Variants in CCDC125 observed in about 807,000 individuals in gnomAD.
CCDC125 encodes the protein coiled-coil domain-containing protein 125.
CCDC125 carries 43 observed loss-of-function variants against 57.4 expected under a neutral mutation model. That is an observed-to-expected ratio of 0.75 (90% CI 0.59 to 0.97). The LOEUF is 0.97. CCDC125 is among the 50% of genes least tolerant of loss of function. The probability of loss-of-function intolerance (pLI) is 0.00; values close to 1 mark genes in which losing one functional copy is unlikely to be tolerated. For synonymous variants in CCDC125, 187 were observed against 195.2 expected (o/e 0.96, Z 0.35); for missense variants, 563 against 595.7 (o/e 0.95, Z 0.57).
chr5:69,322,682 C>G (rs1760214616), intron 1 of CCDC125, among the ~76,000 whole-genome samples: 1 of 151,954 alleles, frequency 6.6e-6, no homozygotes, highest in South Asian at 2.1e-4. Flanking sequence ...CCTGCTTCAG[C>G]CTCCTGAGTA....
At chr5:69,322,649 G>A (rs1039097885) in intron 1 of CCDC125, among the ~76,000 whole-genome samples, 5 of 151,694 alleles carry the variant, frequency 3.3e-5, no homozygotes, top group South Asian at 2.1e-4. Flanking sequence ...AGCAACCTCC[G>A]CCTCCTGGAT....
intron 9 of CCDC125, chr5:69,294,170 TAAGCATA>T (rs1227346672): frequency 4.1e-6 from 4 of 977,784 alleles, no homozygotes; most frequent in African/African-American, 1.8e-5. Flanking sequence ...CTAGTGATTT[TAAGCATA>T]AATGTACATT....
At chr5:69,277,784 TGTA>T (rs990138769), downstream of CCDC125, among the ~76,000 whole-genome samples, 2 of 145,986 alleles carry the variant, frequency 1.4e-5, no homozygotes, top group Non-Finnish European at 3.0e-5. Flanking sequence ...AAAAAAAAAA[TGTA>T]GTAGTGGTGT....
At chr5:69,291,004 A>G (rs1183042316) in intron 10 of CCDC125, among the ~76,000 whole-genome samples, 1 of 152,198 alleles carries the variant, frequency 6.6e-6, no homozygotes, top group East Asian at 1.9e-4. Flanking sequence ...GATGTGTATT[A>G]GTCTTTCTAA....
Position 69,302,754 on chromosome 5 carries a change from T to C in CCDC125, c.700+1093A>G, listed in dbSNP as rs530190398. 2.0e-5 allele frequency among the ~76,000 whole-genome samples: 3 copies of C among 152,100 alleles called. No homozygotes were observed. In the East Asian group the frequency reaches 5.8e-4, roughly 29 times the overall value. On this transcript the variant is annotated intron_variant, in intron 7 of 11. Transcript: ENST00000396496. ...AAAAAAAAGTTAACATTAAATATCT[T>C]ATTATCCTTGCATCAACTTTCATCG...
At chr5:69,315,237 C>G (rs1758821616) in intron 2 of CCDC125, among the ~76,000 whole-genome samples, 1 of 146,760 alleles carries the variant, frequency 6.8e-6, no homozygotes, top group South Asian at 2.2e-4. Flanking sequence ...GCCTGGGAGA[C>G]AGAGCAAGGC....
At chr5:69,307,379 A>T (rs74501876) in intron 5 of CCDC125, among the ~76,000 whole-genome samples, 18,544 of 150,990 alleles carry the variant, frequency 0.12, 1,482 homozygotes, top group African/African-American at 0.22. Flanking sequence ...AAAAAAAAAA[A>T]TTTTTTTTAA....
chr5:69,308,081 T>G (rs917073309), intron 4 of CCDC125, 53 bp from the exon 5 acceptor site: 16 of 1,195,472 alleles, frequency 1.3e-5, no homozygotes, highest in South Asian at 7.3e-5. Flanking sequence ...ATCACTCCTA[T>G]GTACATCATG....
At chr5:69,305,933 C>T (rs1757262068) in intron 6 of CCDC125, among the ~76,000 whole-genome samples, 1 of 152,130 alleles carries the variant, frequency 6.6e-6, no homozygotes, top group African/African-American at 2.4e-5. Context: ...TTGTGTGAGC[C>T]ACCATACCCA....
intron 9 of CCDC125, among the ~76,000 whole-genome samples, chr5:69,294,376 C>T (rs923263766): frequency 2.6e-5 from 4 of 151,210 alleles, no homozygotes; most frequent in East Asian, 1.9e-4. Flanking sequence ...GGTGTAATCT[C>T]GGCTCACTGC....
intron 1 of CCDC125, among the ~76,000 whole-genome samples, chr5:69,326,322 C>G (rs1760730657): frequency 6.6e-6 from 1 of 152,184 alleles, no homozygotes; most frequent in South Asian, 2.1e-4. Context: ...CTAACAGATT[C>G]TGGATCCACT....
downstream of CCDC125, chr5:69,276,436 C>T (rs1752146915): frequency 4.4e-6 from 4 of 904,788 alleles, no homozygotes; most frequent in East Asian, 7.6e-5. Context: ...GGAATGAGGG[C>T]ATTCACATAG....
chr5:69,279,941 G>A (rs867040698), downstream of CCDC125, among the ~76,000 whole-genome samples: 20 of 152,128 alleles, frequency 1.3e-4, no homozygotes, highest in Middle Eastern at 3.2e-3. Context: ...TGGCAGAAGG[G>A]GAAGCAGGCA....
downstream of CCDC125, chr5:69,277,455 G>C (rs1402411314): frequency 4.8e-6 from 1 of 206,520 alleles, no homozygotes; most frequent in East Asian, 1.0e-4. Flanking sequence ...CAAATCTGTA[G>C]TAGCATGGGT....
chr5:69,284,036 G>A (rs1264202351), intron 11 of CCDC125, among the ~76,000 whole-genome samples: 2 of 150,968 alleles, frequency 1.3e-5, no homozygotes, highest in Admixed American at 6.6e-5. Flanking sequence ...TGATCCACCC[G>A]CCTCGGCTTC....
chr5:69,290,629 C>CTTTTTTTTTTT (rs373663120), intron 10 of CCDC125, among the ~76,000 whole-genome samples: 14 of 117,778 alleles, frequency 1.2e-4, no homozygotes, highest in African/African-American at 2.0e-4. Context: ...TCTTTTTTTT[C>CTTTTTTTTTTT]TTTTTTTTTT....
intron 11 of CCDC125, among the ~76,000 whole-genome samples, chr5:69,284,640 A>C (rs1753019481): frequency 6.6e-6 from 1 of 152,208 alleles, no homozygotes; most frequent in African/African-American, 2.4e-5. Context: ...CTGGTACTCC[A>C]ACTGGGAAAA....
chr5:69,277,936 A>C (rs1314577932), downstream of CCDC125, among the ~76,000 whole-genome samples: 1 of 152,314 alleles, frequency 6.6e-6, no homozygotes, highest in Non-Finnish European at 1.5e-5. Flanking sequence ...CTCAGGTTGG[A>C]GTGCAGGGGC....
At chr5:69,302,595 T>C (rs532901295) in intron 7 of CCDC125, among the ~76,000 whole-genome samples, 1 of 148,840 alleles carries the variant, frequency 6.7e-6, no homozygotes, top group East Asian at 2.0e-4. Context: ...TGTGGTGGCA[T>C]GCACCTGTAG....
Sources: allele counts gnomAD v4.1 joint callset (sites outside exome capture counted in the v4.1 genomes callset), GRCh38; gene constraint gnomAD v4.1.1; transcripts MANE v1.5; gene names NCBI Gene and HGNC (gene_info 2026-07-23, HGNC 2026-07-21).